BORA: variants seen among roughly 807,000 people sequenced by gnomAD.
The protein encoded by BORA is protein aurora borealis.
BORA carries 26 observed loss-of-function variants against 55.8 expected under a neutral mutation model. The ratio of observed to expected loss-of-function variants is 0.47; its 90% CI spans 0.34 to 0.65. BORA has a LOEUF of 0.65. Among genes scored for constraint, BORA ranks in the 30% least tolerant of loss-of-function variants. BORA has a pLI of 0.01. For synonymous variants in BORA, 201 were observed against 216.9 expected, an observed-to-expected ratio of 0.93 and a Z score of 0.64; for missense variants, 568 against 671.5, an observed-to-expected ratio of 0.85 and a Z score of 1.70.
chr13:72,744,099 A>G (rs1013913401), intron 6 of BORA, among the ~76,000 whole-genome samples: 1 of 152,186 alleles, frequency 6.6e-6, no homozygotes, highest in Non-Finnish European at 1.5e-5. Flanking sequence ...AAAAACAAGT[A>G]TAGTAGAACA....
At chr13:72,731,196 A>G in intron 2 of BORA, 85 bp from the exon 3 acceptor site, 1 of 771,330 alleles carries the variant, frequency 1.3e-6, no homozygotes, top group East Asian at 2.6e-5. Flanking sequence ...TATTATAACC[A>G]TTCATATTAT....
At chr13:72,753,466 A>C in intron 10 of BORA, 1 of 381,446 alleles carries the variant, frequency 2.6e-6, no homozygotes. Context: ...GGAAGTTACA[A>C]GATATATTTC....
At position 72,756,180 on chromosome 13, in the gene BORA, A is replaced by ATTC; in HGVS notation, c.*964_*965insTTC. 8.2e-6 allele frequency: 3 copies of ATTC among 366,072 alleles called. No homozygotes were observed. The highest frequency in any genetic ancestry group is 1.5e-5 in the Non-Finnish European group (3 of 206,710). 22.7% of individuals were successfully genotyped at this position (366,072 alleles called of 1,614,324 possible). A position where few individuals can be genotyped will look rare whatever the true frequency, so the allele number is the denominator to read the frequency against. ...AAACTGTCTCATTCAAAAGGGAATAAAGACCTGTGTTATCAATGTGTCATT... is the reference window on the plus strand; with the variant it reads ...AAACTGTCTCATTCAAAAGGGAATAATTCAGACCTGTGTTATCAATGTGTCATT... On this transcript the variant is annotated 3_prime_UTR_variant, in exon 12 of 12. Coordinates refer to ENST00000390667, the MANE Select transcript of BORA (RefSeq NM_024808.5).
intron 3 of BORA, among the ~76,000 whole-genome samples, chr13:72,734,460 A>G (rs1336159114): frequency 1.3e-5 from 2 of 152,186 alleles, no homozygotes; most frequent in Non-Finnish European, 2.9e-5. Context: ...AAAAAATGTT[A>G]TATTGTCAGT....
In BORA at chr13:72,746,648, G is replaced by C; in HGVS notation, c.1019G>C (p.Gly340Ala). The C allele has an allele frequency of 6.2e-7, 1 of 1,614,108 alleles. No individual in the cohort carries two copies. Among genetic ancestry groups the C allele is most frequent in the Non-Finnish European group, 8.5e-7 (1 of 1,179,994 alleles). Residue 340 changes from glycine (G) to alanine (A), a missense_variant, in exon 10 of 12, where the codon GGT (glycine) becomes GCT (alanine). Coordinates refer to ENST00000390667, the MANE Select transcript of BORA (RefSeq NM_024808.5). ...CCTATGAGACTTCAGATGTATAGTG[G>C]TGGTACTCAGTATCGGACCTCAGTG... ...WSPMRLQMYS[G>A]GTQYRTSVIQ...
chr13:72,746,985 T>A lies in BORA; in HGVS notation c.1356T>A (p.Val452=), dbSNP rs768558117. The A allele has an allele frequency of 1.9e-6, 3 of 1,614,020 alleles. No individual in the cohort carries two copies. In the East Asian group the frequency reaches 6.7e-5, roughly 36 times the overall value. Residue 452 remains valine, a synonymous_variant, in exon 10 of 12, where the codon GTT becomes GTA. Coordinates refer to ENST00000390667, the MANE Select transcript of BORA (RefSeq NM_024808.5). ...AGACCACTTGGATTAAGGAGCCGGTTGATAATGGCAGTTTACCCATGACTG... is the reference window on the plus strand; with the variant it reads ...AGACCACTTGGATTAAGGAGCCGGTAGATAATGGCAGTTTACCCATGACTG... ...ADETTWIKEP[V]DNGSLPMTDF...
chr13:72,732,850 T>C (rs973683090), intron 3 of BORA, among the ~76,000 whole-genome samples: 1 of 152,162 alleles, frequency 6.6e-6, no homozygotes, highest in African/African-American at 2.4e-5. Flanking sequence ...ACAATTATTA[T>C]ATTGATCAGT....
At chr13:72,744,433 T>C in intron 6 of BORA, 72 bp from the exon 7 acceptor site, 1 of 1,295,046 alleles carries the variant, frequency 7.7e-7, no homozygotes, top group East Asian at 2.3e-5. Context: ...CAGCACATGC[T>C]GAATTGTATA....
At chr13:72,729,374 A>G (rs1169090753) in intron 2 of BORA, among the ~76,000 whole-genome samples, 2 of 152,306 alleles carry the variant, frequency 1.3e-5, no homozygotes, top group Non-Finnish European at 1.5e-5. Context: ...AGCTACTAAT[A>G]CATTAGAGAA....
At chr13:72,744,802 C>T (rs1470669096) in intron 7 of BORA, among the ~76,000 whole-genome samples, 179 bp from the exon 8 acceptor site, 1 of 152,116 alleles carries the variant, frequency 6.6e-6, no homozygotes, top group African/African-American at 2.4e-5. Context: ...AACAATGTAG[C>T]ACTTAAAAAC....
intron 9 of BORA, 140 bp downstream of exon 9, chr13:72,746,216 A>G: frequency 2.2e-6 from 2 of 909,340 alleles, no homozygotes; most frequent in Admixed American, 3.0e-5. Context: ...TGATTTTTAA[A>G]TAAAAGAACA....
In BORA at chr13:72,728,948, A is replaced by C. The variant is rs1360238812; in HGVS notation, c.8A>C (p.Asp3Ala). Reference protein sequence around the residue: MGDVKESKMQITP... With the variant: MGAVKESKMQITP... Reference sequence around the variant, plus strand: ...TAGTTTTCTCTCTGTGCTATGGGAGATGTCAAGGAATCAAAGATGCAAATA... The same window carrying C: ...TAGTTTTCTCTCTGTGCTATGGGAGCTGTCAAGGAATCAAAGATGCAAATA... Residue 3 changes from aspartate to alanine, a missense_variant, in exon 2 of 12, where the codon GAT becomes GCT. Asp to Ala is a moderately radical substitution (Grantham distance 126). Transcript: ENST00000390667. The C allele has an allele frequency of 3.8e-6, 6 of 1,597,086 alleles. No homozygotes were observed. Among genetic ancestry groups the C allele is most frequent in the Non-Finnish European group, 5.1e-6 (6 of 1,175,094 alleles).
At chr13:72,753,533 A>G (rs1263193647) in intron 10 of BORA, 157 bp from the exon 11 acceptor site, 6 of 696,370 alleles carry the variant, frequency 8.6e-6, no homozygotes, top group South Asian at 4.3e-5. Flanking sequence ...ACTACCTTTT[A>G]TATTTGTGCA....
At chr13:72,745,782 A>G (rs1471376448) in intron 8 of BORA, among the ~76,000 whole-genome samples, 162 bp from the exon 9 acceptor site, 2 of 152,204 alleles carry the variant, frequency 1.3e-5, no homozygotes, top group African/African-American at 2.4e-5. Flanking sequence ...GAATTTTTGT[A>G]GCAATCTTCT....
chr13:72,731,479 G>A (rs1455945709), intron 3 of BORA, 92 bp downstream of exon 3: 2 of 960,574 alleles, frequency 2.1e-6, no homozygotes, highest in Non-Finnish European at 3.1e-6. Flanking sequence ...TCTATGTAAA[G>A]GTATCAGGGA....
intron 5 of BORA, among the ~76,000 whole-genome samples, chr13:72,741,861 T>C (rs926721535): frequency 6.6e-6 from 1 of 152,158 alleles, no homozygotes; most frequent in Non-Finnish European, 1.5e-5. Flanking sequence ...CATAAGATAA[T>C]ACCTAGAGAT....
intron 11 of BORA, 95 bp downstream of exon 11, chr13:72,753,916 T>A: frequency 8.0e-7 from 1 of 1,253,732 alleles, no homozygotes; most frequent in Non-Finnish European, 1.1e-6. Context: ...AGAAACTATA[T>A]GAAATTTAAA....
intron 6 of BORA, 126 bp from the exon 7 acceptor site, chr13:72,744,376 GAAT>G (rs1273565802): frequency 1.0e-5 from 8 of 777,978 alleles, no homozygotes; most frequent in Non-Finnish European, 1.5e-5. Flanking sequence ...ATGCAGAAAT[GAAT>G]AATTCCATTT....
At chr13:72,740,484 C>G (rs2033012550) in intron 5 of BORA, among the ~76,000 whole-genome samples, 1 of 152,062 alleles carries the variant, frequency 6.6e-6, no homozygotes. Context: ...TCCCCATTCA[C>G]AATATTCACA....
Sources: gnomAD v4.1 joint callset for allele counts (sites outside exome capture counted in the v4.1 genomes callset) on GRCh38, gnomAD v4.1.1 for gene constraint, MANE v1.5 for transcripts, NCBI Gene and HGNC (gene_info 2026-07-23, HGNC 2026-07-21) for gene names.